Variants in PRKCB observed in about 807,000 individuals in gnomAD.
PRKCB encodes the protein protein kinase C beta.
PRKCB carries 13 observed loss-of-function variants against 81.5 expected under a neutral mutation model. The ratio of observed to expected loss-of-function variants is 0.16; its 90% confidence interval spans 0.10 to 0.25. The LOEUF is 0.25. Among genes scored for constraint, PRKCB ranks in the 10% least tolerant of loss-of-function variants. The probability of loss-of-function intolerance (pLI) is 1.00; values close to 1 mark genes in which losing one functional copy is unlikely to be tolerated. For missense variants in PRKCB, 509 were observed against 875.7 expected (o/e 0.58, Z 5.29); for synonymous variants, 335 against 321.4 (o/e 1.04, Z -0.45).
At chr16:24,154,109 C>T (rs1967117758) in intron 9 of PRKCB, among the ~76,000 whole-genome samples, 1 of 152,200 alleles carries the variant, frequency 6.6e-6, no homozygotes, top group African/African-American at 2.4e-5. Flanking sequence ...GGCATTGACA[C>T]ATTGCCTGTT....
At chr16:24,043,607 T>C (rs1032455572) in intron 5 of PRKCB, among the ~76,000 whole-genome samples, 1 of 152,196 alleles carries the variant, frequency 6.6e-6, no homozygotes, top group African/African-American at 2.4e-5. Context: ...TCTCAGGCAC[T>C]GAAGTTTTGG....
chr16:23,978,492 A>G (rs535363981), intron 2 of PRKCB, among the ~76,000 whole-genome samples: 2 of 152,286 alleles, frequency 1.3e-5, no homozygotes, highest in South Asian at 4.1e-4. Context: ...CTGGCTGGAA[A>G]ACCAAGCTCC....
intron 1 of PRKCB, among the ~76,000 whole-genome samples, chr16:23,836,768 C>CGTGG (rs1555477155): frequency 7.0e-6 from 1 of 141,910 alleles, no homozygotes; most frequent in Non-Finnish European, 1.6e-5. Context: ...CCCTTGTTTC[C>CGTGG]GGGGGGGGCG....
At chr16:23,857,079 G>A (rs979686506) in intron 2 of PRKCB, among the ~76,000 whole-genome samples, 2 of 152,018 alleles carry the variant, frequency 1.3e-5, no homozygotes, top group African/African-American at 4.8e-5. Flanking sequence ...CCATCACCAT[G>A]TCCCAAGATA....
intron 3 of PRKCB, among the ~76,000 whole-genome samples, chr16:24,006,688 A>G (rs1965126999): frequency 6.6e-6 from 1 of 152,214 alleles, no homozygotes; most frequent in African/African-American, 2.4e-5. Flanking sequence ...CCTAAATTCA[A>G]ATTCCAGAAG....
intron 2 of PRKCB, among the ~76,000 whole-genome samples, chr16:23,842,736 T>C (rs1962288536): frequency 6.6e-6 from 1 of 152,250 alleles, no homozygotes; most frequent in Admixed American, 6.5e-5. Flanking sequence ...ATTGAAATTA[T>C]TCTTAAAAAA....
intron 7 of PRKCB, among the ~76,000 whole-genome samples, chr16:24,109,302 C>G (rs1966636961): frequency 1.6e-5 from 1 of 63,390 alleles, no homozygotes; most frequent in Non-Finnish European, 3.1e-5. Flanking sequence ...CCCCACCTCC[C>G]TCCCGGATGG....
intron 13 of PRKCB, among the ~76,000 whole-genome samples, 199 bp downstream of exon 13, chr16:24,181,127 A>G (rs1172347066): frequency 6.6e-6 from 1 of 152,222 alleles, no homozygotes; most frequent in South Asian, 2.1e-4. Flanking sequence ...CAAGCCCAAA[A>G]TACATCAAGG....
Position 23,955,243 on chromosome 16 carries a change from C to T in PRKCB, c.206-33265C>T, listed in dbSNP as rs867398750. Among the ~76,000 whole-genome samples, 219 of 152,188 alleles carry T rather than the reference C, an allele frequency of 1.4e-3. 1 individual carries two copies. Among genetic ancestry groups the T allele is most frequent in the African/African-American group, 4.6e-3 (192 of 41,516 alleles). ...ACACACACACATGCACACACACACA[C>T]ACACACACAGCCAGGCAAAGGATGA... is the stretch of plus-strand genomic sequence containing the variant. On this transcript the variant is annotated intron_variant, in intron 2 of 16. Transcript: ENST00000643927.
At position 23,912,177 on chromosome 16, in the gene PRKCB, C is replaced by T. The variant is rs570051146; in HGVS notation, c.205+74771C>T. 1.2e-4 allele frequency among the ~76,000 whole-genome samples: 18 copies of T among 152,206 alleles called. No homozygotes were observed. The South Asian group carries it at 1.5e-3, about 12-fold the overall frequency. ...CCAGGGAGCTGGACTTTTCAGAGAT[C>T]ATCTTTCACTTAGAATCTACCGTTT... On this transcript the variant is annotated intron_variant, in intron 2 of 16. Coordinates refer to ENST00000643927, the MANE Select transcript of PRKCB (RefSeq NM_002738.7).
intron 2 of PRKCB, among the ~76,000 whole-genome samples, chr16:23,959,155 A>G (rs1434389454): frequency 1.3e-5 from 2 of 152,234 alleles, no homozygotes; most frequent in African/African-American, 4.8e-5. Flanking sequence ...AAACAATCTC[A>G]CTTAGATACA....
chr16:24,109,237 C>T (rs1185639399), intron 7 of PRKCB, among the ~76,000 whole-genome samples: 3 of 90,882 alleles, frequency 3.3e-5, no homozygotes, highest in African/African-American at 1.3e-4. Context: ...GGCGGCCGGG[C>T]AGAGGCGCCC....
chr16:24,135,574 A>C (rs1366485313), intron 9 of PRKCB, among the ~76,000 whole-genome samples: 1 of 151,998 alleles, frequency 6.6e-6, no homozygotes, highest in Non-Finnish European at 1.5e-5. Context: ...CAGCCTCCCA[A>C]AGTGATGGGA....
intron 5 of PRKCB, among the ~76,000 whole-genome samples, chr16:24,071,671 A>G (rs906489050): frequency 6.6e-6 from 1 of 152,086 alleles, no homozygotes; most frequent in African/African-American, 2.4e-5. Context: ...GTCTCTGGGC[A>G]GTAGCTGTGG....
chr16:23,877,666 C>A (rs749147036), intron 2 of PRKCB, among the ~76,000 whole-genome samples: 2 of 152,120 alleles, frequency 1.3e-5, no homozygotes, highest in African/African-American at 2.4e-5. Context: ...GTGTGAGTCC[C>A]CATGTTCTCA....
chr16:23,925,372 G>A (rs1257259043), intron 2 of PRKCB, among the ~76,000 whole-genome samples: 3 of 152,014 alleles, frequency 2.0e-5, no homozygotes, highest in Admixed American at 2.0e-4. Flanking sequence ...AGACCTGACT[G>A]GTCATTGGGT....
At chr16:23,917,163 A>G (rs1430371763) in intron 2 of PRKCB, among the ~76,000 whole-genome samples, 2 of 151,886 alleles carry the variant, frequency 1.3e-5, no homozygotes, top group African/African-American at 2.4e-5. Flanking sequence ...GGTCACTGCA[A>G]CCTCCACTTT....
intron 2 of PRKCB, among the ~76,000 whole-genome samples, chr16:23,896,809 A>G (rs1963385397): frequency 1.3e-5 from 2 of 152,356 alleles, no homozygotes; most frequent in South Asian, 2.1e-4. Context: ...TTAATCTCTT[A>G]TAGGCAAAAC....
chr16:23,845,152 G>T (rs1197408049), intron 2 of PRKCB, among the ~76,000 whole-genome samples: 1 of 152,136 alleles, frequency 6.6e-6, no homozygotes, highest in African/African-American at 2.4e-5. Flanking sequence ...AACTATTTTA[G>T]GTGACAGAAT....
Sources: allele counts gnomAD v4.1 joint callset (sites outside exome capture counted in the v4.1 genomes callset), GRCh38; gene constraint gnomAD v4.1.1; transcripts MANE v1.5; gene names NCBI Gene and HGNC (gene_info 2026-07-23, HGNC 2026-07-21).